The following FTH1 variants were observed in gnomAD, a reference collection of about 807,000 sequenced individuals.
FTH1 encodes ferritin heavy chain 1.
A neutral mutation model predicts 21.8 loss-of-function variants in FTH1; 3 were observed. The ratio of observed to expected loss-of-function variants is 0.14; its 90% CI spans 0.06 to 0.36. The LOEUF is 0.36. FTH1 is among the 10% of genes least tolerant of loss of function. FTH1 has a pLI of 1.00. For synonymous variants in FTH1, 83 were observed against 90.1 expected, an observed-to-expected ratio of 0.92 and a Z score of 0.45; for missense variants, 147 against 225.8, an observed-to-expected ratio of 0.65 and a Z score of 2.24.
chr11:61,967,084 G>C (rs1296697533), intron 1 of FTH1: 6 of 359,034 alleles, frequency 1.7e-5, no homozygotes, highest in Non-Finnish European at 3.0e-5. Context: ...GGTGTGCAGA[G>C]GCGGCCCTGG....
Position 61,965,530 on chromosome 11 carries a change from C to T in FTH1, c.115-15G>A. On this transcript the variant is annotated splice_polypyrimidine_tract_variant and intron_variant, in intron 1 of 3. Transcript: ENST00000273550. ...AAGTAGTAAGACTGAAAGGGGAACA[C>T]TGAATGTGTTATACTAGGGATCCCC... The T allele has an allele frequency of 6.3e-7, 1 of 1,599,944 alleles. No homozygotes were observed. The highest frequency in any genetic ancestry group is 8.5e-7 in the Non-Finnish European group (1 of 1,179,892).
At chr11:61,965,141 A>G (rs1449792762) in intron 2 of FTH1, 29 bp from the exon 3 acceptor site, 3 of 1,602,548 alleles carry the variant, frequency 1.9e-6, no homozygotes, top group Admixed American at 1.7e-5. Context: ...ATGCATCTCT[A>G]CCAACTAACC....
chr11:61,964,450 C>G lies in FTH1; in HGVS notation c.*277G>C. 1 of 614,176 alleles carries G rather than the reference C, an allele frequency of 1.6e-6. No individual in the cohort carries two copies. Among genetic ancestry groups the G allele is most frequent in the Non-Finnish European group, 2.8e-6 (1 of 353,790 alleles). The allele number at this position is 614,176 out of a possible 1,614,324, so 38.0% of individuals were successfully genotyped here. ...CCCAAACTAATGAGTTTAATAAATACAAATACTCGTTTCTTTTTGATTAGT... is the reference window on the plus strand; with the variant it reads ...CCCAAACTAATGAGTTTAATAAATAGAAATACTCGTTTCTTTTTGATTAGT... On this transcript the variant is annotated 3_prime_UTR_variant, in exon 4 of 4. Transcript: ENST00000273550.
Position 61,967,515 on chromosome 11 carries a change from T to A in FTH1, c.-90A>T, listed in dbSNP as rs763229761. 119 of 886,474 alleles carry A rather than the reference T, an allele frequency of 1.3e-4. No homozygotes were observed. Among genetic ancestry groups the A allele is most frequent in the Non-Finnish European group, 2.0e-4 (113 of 557,710 alleles). 54.9% of individuals were successfully genotyped at this position (886,474 alleles called of 1,614,324 possible). On this transcript the variant is annotated 5_prime_UTR_variant, in exon 1 of 4. Transcript: ENST00000273550. Reference sequence around the variant, plus strand: ...GCCTTGGGGCAGTCCGAGGGTGCGGTGAAGAGGTGACGGAGGGCTGGCTAT... The same window carrying A: ...GCCTTGGGGCAGTCCGAGGGTGCGGAGAAGAGGTGACGGAGGGCTGGCTAT...
intron 1 of FTH1, 60 bp downstream of exon 1, chr11:61,967,252 A>G: frequency 9.1e-7 from 1 of 1,103,054 alleles, no homozygotes; most frequent in South Asian, 1.5e-5. Context: ...GGCCCGCCCC[A>G]GCGCGCGCCC....
At chr11:61,965,337 G>GC in intron 2 of FTH1, 32 bp downstream of exon 2, 1 of 1,611,574 alleles carries the variant, frequency 6.2e-7, no homozygotes, top group Non-Finnish European at 8.5e-7. Context: ...GCCAGATGAT[G>GC]AAGTATGACA....
In FTH1 at chr11:61,964,721, C is replaced by G. The variant is rs756900543; in HGVS notation, c.*6G>C. ...CCCCACGGCTATGGGGAAATTAGCC[C>G]GAGGCTTAGCTTTCATTATCACTGT... On this transcript the variant is annotated 3_prime_UTR_variant, in exon 4 of 4. Coordinates refer to ENST00000273550, the MANE Select transcript of FTH1 (RefSeq NM_002032.3). 4 of 1,597,822 alleles carry G rather than the reference C, an allele frequency of 2.5e-6. No homozygotes were observed. The African/African-American group carries it at 5.3e-5, about 21-fold the overall frequency.
At chr11:61,966,729 G>C (rs1430943042) in intron 1 of FTH1, among the ~76,000 whole-genome samples, 2 of 152,216 alleles carry the variant, frequency 1.3e-5, no homozygotes, top group Non-Finnish European at 2.9e-5. Context: ...GACTGCAGAA[G>C]GGGCGATTCC....
Position 61,967,396 on chromosome 11 carries a change from G to A in FTH1, c.30C>T (p.Arg10=). 1 of 1,605,386 alleles carries A rather than the reference G, an allele frequency of 6.2e-7. No individual in the cohort carries two copies. The highest frequency in any genetic ancestry group is 8.5e-7 in the Non-Finnish European group (1 of 1,176,932). The part of the protein sequence containing the change: MTTASTSQV[R]QNYHQDSEAA... ...CCTCTGAGTCCTGGTGGTAGTTCTGGCGCACCTGCGAGGTGGACGCGGTCG... is the reference window on the plus strand; with the variant it reads ...CCTCTGAGTCCTGGTGGTAGTTCTGACGCACCTGCGAGGTGGACGCGGTCG... The change falls in exon 1 of 4, where the codon CGC becomes CGT. Residue 10 remains arginine (R), a synonymous_variant. Coordinates refer to ENST00000273550, the MANE Select transcript of FTH1 (RefSeq NM_002032.3).
At chr11:61,966,819 C>G (rs767119150) in intron 1 of FTH1, among the ~76,000 whole-genome samples, 2 of 152,180 alleles carry the variant, frequency 1.3e-5, no homozygotes, top group African/African-American at 4.8e-5. Flanking sequence ...GAGGGATCTA[C>G]CCACAAGATA....
chr11:61,964,481 T>C lies in FTH1; in HGVS notation c.*246A>G. 1.6e-6 allele frequency: 1 copy of C among 622,790 alleles called. No individual in the cohort carries two copies. Among genetic ancestry groups the C allele is most frequent in the Non-Finnish European group, 2.8e-6 (1 of 359,188 alleles). 38.6% of individuals were successfully genotyped at this position (622,790 alleles called of 1,614,324 possible). A position where few individuals can be genotyped will look rare whatever the true frequency, so the allele number is the denominator to read the frequency against. Reference sequence around the variant, plus strand: ...CTCGTTTCTTTTTGATTAGTGTGATTAGAACTGAACAACGGCACTTAAGGA... The same window carrying C: ...CTCGTTTCTTTTTGATTAGTGTGATCAGAACTGAACAACGGCACTTAAGGA... On this transcript the variant is annotated 3_prime_UTR_variant, in exon 4 of 4. Transcript: ENST00000273550.
chr11:61,967,243 G>T, intron 1 of FTH1, 69 bp downstream of exon 1: 1 of 990,422 alleles, frequency 1.0e-6, no homozygotes, highest in Non-Finnish European at 1.5e-6. Context: ...CACACCCCCG[G>T]CCCGCCCCAG....
rs548804291 is a variant in FTH1, at chr11:61,965,697, A to C, written c.115-182T>G. On this transcript the variant is annotated intron_variant, in intron 1 of 3. Coordinates refer to ENST00000273550, the MANE Select transcript of FTH1 (RefSeq NM_002032.3). ...AGCTACTGGATTGAACCCAAGAGTA[A>C]TGTTTCTATTCTAAAATAGAAAACT... 1.1e-3 allele frequency: 732 copies of C among 686,606 alleles called. 3 individuals carry two copies. Among genetic ancestry groups the C allele is most frequent in the Non-Finnish European group, 1.6e-3 (609 of 381,894 alleles). 42.5% of individuals were successfully genotyped at this position (686,606 alleles called of 1,614,324 possible). A position where few individuals can be genotyped will look rare whatever the true frequency, so the allele number is the denominator to read the frequency against.
In FTH1 at chr11:61,967,309, C is replaced by T; in HGVS notation, c.114+3G>A. 6.3e-7 allele frequency: 1 copy of T among 1,589,854 alleles called. No homozygotes were observed. Among genetic ancestry groups the T allele is most frequent in the Non-Finnish European group, 8.6e-7 (1 of 1,166,510 alleles). On this transcript the variant is annotated splice_donor_region_variant and intron_variant, in intron 1 of 3. Coordinates refer to ENST00000273550, the MANE Select transcript of FTH1 (RefSeq NM_002032.3). ...GCCACCGCTTAGGCCCGCCCGCGCTCACCATGGACAGGTAAACGTAGGAGG... is the reference window on the plus strand; with the variant it reads ...GCCACCGCTTAGGCCCGCCCGCGCTTACCATGGACAGGTAAACGTAGGAGG...
Position 61,965,535 on chromosome 11 carries a change from T to C in FTH1, c.115-20A>G, listed in dbSNP as rs778369396. On this transcript the variant is annotated intron_variant, in intron 1 of 3. Coordinates refer to ENST00000273550, the MANE Select transcript of FTH1 (RefSeq NM_002032.3). ...GTAAGACTGAAAGGGGAACACTGAA[T>C]GTGTTATACTAGGGATCCCCAGAGA... 8 of 1,599,634 alleles carry C rather than the reference T, an allele frequency of 5.0e-6. No individual in the cohort carries two copies. The South Asian group carries it at 8.8e-5, about 18-fold the overall frequency.
rs1454896629 is a variant in FTH1, at chr11:61,965,418, A to C, written c.212T>G (p.Met71Arg). ...HEEREHAEKL[M>R]KLQNQRGGRI... ...GCCACCTCGTTGGTTCTGCAGCTTCATCAGTTTCTCAGCATGTTCCCTCTC... is the reference window on the plus strand; with the variant it reads ...GCCACCTCGTTGGTTCTGCAGCTTCCTCAGTTTCTCAGCATGTTCCCTCTC... The change falls in exon 2 of 4, where the codon ATG becomes AGG. Residue 71 changes from methionine (M) to arginine (R), a missense_variant. Transcript: ENST00000273550. 1 of 1,613,672 alleles carries C rather than the reference A, an allele frequency of 6.2e-7. No individual in the cohort carries two copies. The highest frequency in any genetic ancestry group is 1.7e-5 in the Admixed American group (1 of 60,022).
intron 1 of FTH1, 131 bp downstream of exon 1, chr11:61,967,181 C>T (rs1293107128): frequency 2.1e-6 from 1 of 481,670 alleles, no homozygotes; most frequent in Non-Finnish European, 3.6e-6. Context: ...AAACCTCGAG[C>T]AGCCTCCATT....
In FTH1 at chr11:61,967,621, G is replaced by A. The variant is rs1565051120; in HGVS notation, c.-196C>T. ...GCAGGAAACCCCGACGACTCTCGGCGAAGAACGTCTGGCCCTGCGGGTCGC... is the reference window on the plus strand; with the variant it reads ...GCAGGAAACCCCGACGACTCTCGGCAAAGAACGTCTGGCCCTGCGGGTCGC... On this transcript the variant is annotated 5_prime_UTR_variant, in exon 1 of 4. Coordinates refer to ENST00000273550, the MANE Select transcript of FTH1 (RefSeq NM_002032.3). 2 of 663,018 alleles carry A rather than the reference G, an allele frequency of 3.0e-6. No individual in the cohort carries two copies. The highest frequency in any genetic ancestry group is 1.5e-5 in the South Asian group (1 of 66,884). The allele number at this position is 663,018 out of a possible 1,614,324, so 41.1% of individuals were successfully genotyped here. A position where few individuals can be genotyped will look rare whatever the true frequency, so the allele number is the denominator to read the frequency against.
At chr11:61,966,712 C>T (rs1250977669) in intron 1 of FTH1, among the ~76,000 whole-genome samples, 3 of 152,214 alleles carry the variant, frequency 2.0e-5, no homozygotes, top group Admixed American at 2.0e-4. Context: ...TCAGGTGACA[C>T]TTCGGTGACT....
Sources: gnomAD v4.1 joint callset for allele counts (sites outside exome capture counted in the v4.1 genomes callset) on GRCh38, gnomAD v4.1.1 for gene constraint, MANE v1.5 for transcripts, NCBI Gene and HGNC (gene_info 2026-07-23, HGNC 2026-07-21) for gene names.